Variants in ERBB4 observed in about 807,000 individuals in gnomAD.
ERBB4 encodes the protein receptor tyrosine-protein kinase erbB-4.
A neutral mutation model predicts 158.0 loss-of-function variants in ERBB4; 42 were observed. The ratio of observed to expected loss-of-function variants is 0.27; its 90% confidence interval spans 0.21 to 0.34. ERBB4 has a LOEUF of 0.34. Among genes scored for constraint, ERBB4 ranks in the 10% least tolerant of loss-of-function variants. ERBB4 has a pLI of 1.00. For missense variants in ERBB4, 1,333 were observed against 1,624.1 expected, an observed-to-expected ratio of 0.82 and a Z score of 3.08; for synonymous variants, 583 against 558.7, an observed-to-expected ratio of 1.04 and a Z score of -0.61.
chr2:211,881,041 C>T (rs1231294439), intron 3 of ERBB4, among the ~76,000 whole-genome samples: 1 of 152,158 alleles, frequency 6.6e-6, no homozygotes, highest in Non-Finnish European at 1.5e-5. Flanking sequence ...GCACTCAGAT[C>T]AGCTGCACAC....
At chr2:212,244,368 G>C (rs1375548352) in intron 1 of ERBB4, among the ~76,000 whole-genome samples, 2 of 151,950 alleles carry the variant, frequency 1.3e-5, no homozygotes, top group Non-Finnish European at 2.9e-5. Flanking sequence ...GAAATTCACG[G>C]GTCATGACAG....
intron 1 of ERBB4, among the ~76,000 whole-genome samples, chr2:212,232,996 A>C (rs2083721879): frequency 1.3e-5 from 2 of 152,218 alleles, no homozygotes; most frequent in African/African-American, 4.8e-5. Context: ...TCTTCAGGGC[A>C]ATACTTATTC....
intron 1 of ERBB4, among the ~76,000 whole-genome samples, chr2:212,510,577 C>T (rs1307684720): frequency 6.6e-6 from 1 of 151,958 alleles, no homozygotes; most frequent in Non-Finnish European, 1.5e-5. Flanking sequence ...AACATCATGT[C>T]ATGGTAGGAT....
intron 1 of ERBB4, among the ~76,000 whole-genome samples, chr2:212,471,515 C>T (rs1380063793): frequency 6.6e-6 from 1 of 151,884 alleles, no homozygotes; most frequent in Non-Finnish European, 1.5e-5. Context: ...TAAGTATGAT[C>T]TATCCAATGC....
intron 1 of ERBB4, among the ~76,000 whole-genome samples, chr2:212,320,140 G>A (rs1292578850): frequency 6.7e-6 from 1 of 148,228 alleles, no homozygotes; most frequent in African/African-American, 2.5e-5. Context: ...AGGTTTGCGG[G>A]ATGGAAAAAG....
At chr2:212,185,517 A>C (rs1410247053) in intron 1 of ERBB4, among the ~76,000 whole-genome samples, 1 of 152,274 alleles carries the variant, frequency 6.6e-6, no homozygotes, top group South Asian at 2.1e-4. Flanking sequence ...GTTAACACGT[A>C]AGTACTTCAG....
At chr2:212,325,672 A>C (rs188119738) in intron 1 of ERBB4, among the ~76,000 whole-genome samples, 8 of 150,694 alleles carry the variant, frequency 5.3e-5, no homozygotes, top group East Asian at 2.0e-4. Context: ...CAGAGAGTTT[A>C]GAATTTATCA....
intron 1 of ERBB4, among the ~76,000 whole-genome samples, chr2:212,211,251 C>T (rs1192570277): frequency 1.3e-5 from 2 of 152,098 alleles, no homozygotes; most frequent in African/African-American, 4.8e-5. Context: ...TTCCACTCAT[C>T]CCTCCAGTTT....
chr2:212,522,709 T>A (rs1032018542), intron 1 of ERBB4, among the ~76,000 whole-genome samples: 3 of 151,966 alleles, frequency 2.0e-5, no homozygotes, highest in African/African-American at 7.2e-5. Flanking sequence ...AAAATCTAAG[T>A]CTAATATACA....
chr2:212,047,404 A>G (rs950291019), intron 2 of ERBB4, among the ~76,000 whole-genome samples: 1 of 152,142 alleles, frequency 6.6e-6, no homozygotes, highest in African/African-American at 2.4e-5. Context: ...AATGAAAAGA[A>G]TCTTAACTTT....
At chr2:211,922,704 G>A (rs1401638200) in intron 3 of ERBB4, among the ~76,000 whole-genome samples, 1 of 152,072 alleles carries the variant, frequency 6.6e-6, no homozygotes, top group Non-Finnish European at 1.5e-5. Context: ...CTGCTTACGA[G>A]GAGGTAGAAT....
chr2:212,177,957 TGA>T (rs200412011), intron 1 of ERBB4, among the ~76,000 whole-genome samples: 6 of 97,340 alleles, frequency 6.2e-5, no homozygotes, highest in African/African-American at 2.6e-4. Context: ...TTTGTGAGTG[TGA>T]GTGTGTGTGT....
chr2:211,858,522 A>C (rs749768571), intron 3 of ERBB4, among the ~76,000 whole-genome samples: 1 of 152,234 alleles, frequency 6.6e-6, no homozygotes, highest in Non-Finnish European at 1.5e-5. Context: ...TTCTCTATTG[A>C]GTTAAATAAG....
At chr2:211,725,332 A>G (rs2106133437) in intron 5 of ERBB4, 138 bp from the exon 6 acceptor site, 1 of 692,330 alleles carries the variant, frequency 1.4e-6, no homozygotes, top group Non-Finnish European at 2.6e-6. Context: ...TTACAACTAG[A>G]TCAAAATTTT....
At chr2:212,011,531 AC>A (rs2076387065) in intron 2 of ERBB4, among the ~76,000 whole-genome samples, 2 of 152,068 alleles carry the variant, frequency 1.3e-5, no homozygotes, top group Admixed American at 6.6e-5. Context: ...CGGGTGGATC[AC>A]CTGAGGTCAT....
intron 1 of ERBB4, among the ~76,000 whole-genome samples, chr2:212,530,394 T>C (rs1464996822): frequency 6.6e-6 from 1 of 152,130 alleles, no homozygotes; most frequent in Non-Finnish European, 1.5e-5. Flanking sequence ...TTTTCATAGG[T>C]CCCTATAGAA....
chr2:211,958,449 T>C (rs1261630892), intron 2 of ERBB4, among the ~76,000 whole-genome samples: 1 of 152,122 alleles, frequency 6.6e-6, no homozygotes, highest in African/African-American at 2.4e-5. Flanking sequence ...TTCAAATAAT[T>C]ACATTAACTT....
chr2:212,281,867 C>T lies in ERBB4; in HGVS notation c.83-156964G>A, dbSNP rs553592784. Among the ~76,000 whole-genome samples, 19 of 151,706 alleles carry T rather than the reference C, an allele frequency of 1.3e-4. 1 individual carries two copies. The highest frequency in any genetic ancestry group is 2.5e-4 in the Non-Finnish European group (17 of 67,828). ...AACAAGGGTAATTTATGCAACTCTG[C>T]TTCAATGTGTTATAAAGTGTAAAAA... is the stretch of plus-strand genomic sequence containing the variant. On this transcript the variant is annotated intron_variant, in intron 1 of 27. Coordinates refer to ENST00000342788, the MANE Select transcript of ERBB4 (RefSeq NM_005235.3).
At chr2:212,036,622 G>A (rs2077020292) in intron 2 of ERBB4, among the ~76,000 whole-genome samples, 1 of 151,782 alleles carries the variant, frequency 6.6e-6, no homozygotes. Context: ...CCGCCACCAC[G>A]CCCAGCTAAT....
Sources: gnomAD v4.1 joint callset for allele counts (sites outside exome capture counted in the v4.1 genomes callset) on GRCh38, gnomAD v4.1.1 for gene constraint, MANE v1.5 for transcripts, NCBI Gene and HGNC (gene_info 2026-07-23, HGNC 2026-07-21) for gene names.